Variants in RAPGEFL1 observed in about 807,000 individuals in gnomAD.
RAPGEFL1 encodes the protein Rap guanine nucleotide exchange factor like 1, also known as rap guanine nucleotide exchange factor-like 1.
In RAPGEFL1, 31 loss-of-function variants were observed where a neutral mutation model predicts 64.4. That is an observed-to-expected ratio of 0.48 (90% CI 0.36 to 0.65). The LOEUF (loss-of-function observed/expected upper bound fraction) is 0.65. Ranked by LOEUF, RAPGEFL1 falls within the 30% of genes least tolerant of loss-of-function variation. The probability of loss-of-function intolerance (pLI) is 0.00; values close to 1 mark genes in which losing one functional copy is unlikely to be tolerated. For synonymous variants in RAPGEFL1, 331 were observed against 274.1 expected (o/e 1.21, Z -2.05); for missense variants, 682 against 677.4 (o/e 1.01, Z -0.08).
rs1990231578 is a variant in RAPGEFL1 at position 40,190,713 on chromosome 17, C to T, written c.1286C>T (p.Ala429Val). The change falls in exon 8 of 15, where the codon GCC (alanine) becomes GTC (valine). Residue 429 changes from alanine to valine, a missense_variant. This residue lies in a region of RAPGEFL1 where 411 missense variants were observed against 519.4 expected (regional missense o/e 0.79). Coordinates refer to ENST00000620260, the MANE Select transcript of RAPGEFL1 (RefSeq NM_016339.6). Reference protein sequence around the residue: ...EIHRVEPEDVANHLTAFHWEL... With the variant: ...EIHRVEPEDVVNHLTAFHWEL... ...CACCGAGTGGAGCCTGAGGACGTTG[C>T]CAACCACCTAACTGCCTTCCACTGG... is the stretch of plus-strand genomic sequence containing the variant. 1 of 1,614,170 alleles carries T rather than the reference C, an allele frequency of 6.2e-7. No individual in the cohort carries two copies. The highest frequency in any genetic ancestry group is 8.5e-7 in the Non-Finnish European group (1 of 1,180,032).
intron 14 of RAPGEFL1, 115 bp downstream of exon 14, chr17:40,193,532 C>A: frequency 6.4e-7 from 1 of 1,570,932 alleles, no homozygotes; most frequent in Non-Finnish European, 8.8e-7. Context: ...GTTCCCCATT[C>A]TCTCCTTGCC....
At position 40,177,819 on chromosome 17, in the gene RAPGEFL1, C is replaced by T; in HGVS notation, c.-43C>T. ...GCCCCCCCCGCCCGCGCCTGGGATA[C>T]CTGGGTCCCCCGGCGACCCCTAGGA... On this transcript the variant is annotated 5_prime_UTR_variant, in exon 1 of 15. Transcript: ENST00000620260. 2.4e-6 allele frequency: 1 copy of T among 412,368 alleles called. No individual in the cohort carries two copies. The highest frequency in any genetic ancestry group is 4.3e-6 in the Non-Finnish European group (1 of 233,440). 25.5% of individuals were successfully genotyped at this position (412,368 alleles called of 1,614,324 possible).
At chr17:40,181,715 GA>G (rs1338525507) in intron 2 of RAPGEFL1, 21 bp downstream of exon 2, 1 of 701,658 alleles carries the variant, frequency 1.4e-6, no homozygotes, top group African/African-American at 1.7e-5. Context: ...GTGGAGTTTG[GA>G]AAAGGAGAGG....
Position 40,193,350 on chromosome 17 carries a change from T to C in RAPGEFL1, c.1810-13T>C. ...TGTGCCCCTTTCAAGGCTCATTCCT[T>C]GTCATCTCCCAGCATTCAGTGGCCG... On this transcript the variant is annotated splice_polypyrimidine_tract_variant and intron_variant, in intron 13 of 14. Coordinates refer to ENST00000620260, the MANE Select transcript of RAPGEFL1 (RefSeq NM_016339.6). The C allele has an allele frequency of 2.5e-6, 4 of 1,614,116 alleles. No homozygotes were observed. Among genetic ancestry groups the C allele is most frequent in the Non-Finnish European group, 3.4e-6 (4 of 1,179,988 alleles).
chr17:40,181,426 T>A, intron 1 of RAPGEFL1, 190 bp from the exon 2 acceptor site: 180 of 534,556 alleles, frequency 3.4e-4, no homozygotes, highest in East Asian at 5.9e-4. Context: ...GAACCCACCC[T>A]CGCAGTGGCT....
At chr17:40,180,451 A>G (rs1020245848) in intron 1 of RAPGEFL1, among the ~76,000 whole-genome samples, 1 of 152,092 alleles carries the variant, frequency 6.6e-6, no homozygotes, top group Non-Finnish European at 1.5e-5. Context: ...CAATAAAACC[A>G]ATGTTCTCAA....
chr17:40,192,512 T>G, intron 11 of RAPGEFL1, 94 bp from the exon 12 acceptor site: 2 of 1,124,388 alleles, frequency 1.8e-6, no homozygotes, highest in Middle Eastern at 2.0e-4. Context: ...TGATCAGGAA[T>G]GTATACAAGG....
At chr17:40,188,675 T>C in intron 4 of RAPGEFL1, 191 bp from the exon 5 acceptor site, 1 of 583,520 alleles carries the variant, frequency 1.7e-6, no homozygotes, top group South Asian at 2.0e-5. Flanking sequence ...AGAGGTGGCA[T>C]TTGATTAGGG....
rs1298879413 is a variant in RAPGEFL1, at chr17:40,195,471, G to C, written c.*1683G>C. 2 of 152,898 alleles carry C rather than the reference G, an allele frequency of 1.3e-5. No individual in the cohort carries two copies. Among genetic ancestry groups the C allele is most frequent in the African/African-American group, 4.8e-5 (2 of 41,426 alleles). 9.5% of individuals were successfully genotyped at this position (152,898 alleles called of 1,614,324 possible). ...CCACCACCCTCTGGGTCGGACACTG[G>C]GACCCACTGGCCCAGTCTTGGCTGC... is the stretch of plus-strand genomic sequence containing the variant. On this transcript the variant is annotated 3_prime_UTR_variant, in exon 15 of 15. Transcript: ENST00000620260.
chr17:40,193,832 G>A lies in RAPGEFL1; in HGVS notation c.*44G>A. On this transcript the variant is annotated 3_prime_UTR_variant, in exon 15 of 15. Coordinates refer to ENST00000620260, the MANE Select transcript of RAPGEFL1 (RefSeq NM_016339.6). ...GACCCGCCAGATCCTTGGGCACCTG[G>A]CACTCAAGCACTTTGCACGATGTCT... 2 of 1,611,544 alleles carry A rather than the reference G, an allele frequency of 1.2e-6. No individual in the cohort carries two copies. Among genetic ancestry groups the A allele is most frequent in the Middle Eastern group, 1.7e-4 (1 of 6,058 alleles).
intron 2 of RAPGEFL1, among the ~76,000 whole-genome samples, chr17:40,183,518 CTTTTTTTT>C (rs760848897): frequency 7.7e-6 from 1 of 130,168 alleles, no homozygotes; most frequent in Non-Finnish European, 1.7e-5. Context: ...CTTTTCTTTT[CTTTTTTTT>C]TTTTTTTTTT....
Position 40,185,566 on chromosome 17 carries a change from A to G in RAPGEFL1, c.833+888A>G, listed in dbSNP as rs1990039493. ...GGCTGTGTGCCAAGGCAGGCAGATCATGAGGTCAGGAGTTTGAGAGCAGCC... is the reference window on the plus strand; with the variant it reads ...GGCTGTGTGCCAAGGCAGGCAGATCGTGAGGTCAGGAGTTTGAGAGCAGCC... On this transcript the variant is annotated intron_variant, in intron 4 of 14. Transcript: ENST00000620260. Among the ~76,000 whole-genome samples the G allele has an allele frequency of 3.3e-5, 5 of 150,962 alleles. No individual in the cohort carries two copies. The South Asian group carries it at 1.1e-3, about 32-fold the overall frequency.
rs1205131993 is a variant in RAPGEFL1, at chr17:40,194,231, CCGTGTG to C, written c.*444_*449del. 2.2e-5 allele frequency: 3 copies of C among 139,196 alleles called. No individual in the cohort carries two copies. In the East Asian group the frequency reaches 5.7e-4, roughly 27 times the overall value. The allele number at this position is 139,196 out of a possible 1,614,324, so 8.6% of individuals were successfully genotyped here. On this transcript the variant is annotated 3_prime_UTR_variant, in exon 15 of 15. Transcript: ENST00000620260. ...TGGGACCCCCAGGAATATTATGTTG[CCGTGTG>C]TGTGTGTGTGTGTGTGTGTGTGTGT...
In RAPGEFL1 at chr17:40,191,843, G is replaced by A. The variant is rs543028495; in HGVS notation, c.1605+171G>A. Among the ~76,000 whole-genome samples the A allele has an allele frequency of 6.6e-6, 1 of 152,342 alleles. No individual in the cohort carries two copies. The highest frequency in any genetic ancestry group is 2.1e-4 in the South Asian group (1 of 4,832). On this transcript the variant is annotated intron_variant, in intron 10 of 14. Coordinates refer to ENST00000620260, the MANE Select transcript of RAPGEFL1 (RefSeq NM_016339.6). The surrounding 1 kb of genome is among the most constrained non-coding windows in gnomAD (Gnocchi z 5.1). ...GCGCACAGCTTGGCTAATGGACCCT[G>A]TCTTTGTGCAAATTAGTGAAAAGCC...
At chr17:40,192,299 TGA>T in intron 11 of RAPGEFL1, 36 bp downstream of exon 11, 1 of 1,597,680 alleles carries the variant, frequency 6.3e-7, no homozygotes, top group South Asian at 1.1e-5. Flanking sequence ...GCTCTTGGAC[TGA>T]GAGCCCAGAA....
chr17:40,193,615 G>C (rs1173565134), intron 14 of RAPGEFL1, 49 bp from the exon 15 acceptor site: 1 of 1,613,706 alleles, frequency 6.2e-7, no homozygotes, highest in South Asian at 1.1e-5. Context: ...GTGTGTAGAG[G>C]AAGAAGGGAA....
Position 40,184,665 on chromosome 17 carries a change from A to T in RAPGEFL1, c.820A>T (p.Thr274Ser). The T allele has an allele frequency of 6.3e-7, 1 of 1,577,398 alleles. No homozygotes were observed. The highest frequency in any genetic ancestry group is 8.7e-7 in the Non-Finnish European group (1 of 1,153,566). The change falls in exon 4 of 15, where the codon ACG becomes TCG. Residue 274 changes from threonine to serine, a missense_variant. Physicochemically the swap from Thr to Ser is moderately conservative, Grantham distance 58 (BLOSUM62 1). Coordinates refer to ENST00000620260, the MANE Select transcript of RAPGEFL1 (RefSeq NM_016339.6). ...DTLRLHQLVETVELKIPEENQ... is the reference protein window; with the variant it reads ...DTLRLHQLVESVELKIPEENQ... ...TCTGAGGCTGCACCAGCTGGTGGAG[A>T]CGGTGGAACTAAAGTGAGGGGGAGT...
intron 8 of RAPGEFL1, 87 bp downstream of exon 8, chr17:40,190,849 TC>T (rs1990237899): frequency 2.6e-5 from 40 of 1,557,692 alleles, no homozygotes; most frequent in Non-Finnish European, 3.5e-5. Context: ...ACGTCCTGGT[TC>T]CAAGGCTCAC....
intron 2 of RAPGEFL1, among the ~76,000 whole-genome samples, chr17:40,182,216 C>T (rs1459319513): frequency 6.6e-6 from 1 of 152,200 alleles, no homozygotes; most frequent in Admixed American, 6.5e-5. Context: ...TAAATAGCAC[C>T]TGCCCTGCCT....
Sources: gnomAD v4.1 joint callset for allele counts (sites outside exome capture counted in the v4.1 genomes callset) on GRCh38, gnomAD v4.1.1 for gene constraint, gnomAD v4.1.1 regional missense constraint, Gnocchi (gnomAD v3.1) non-coding constraint, MANE v1.5 for transcripts, NCBI Gene and HGNC (gene_info 2026-07-23, HGNC 2026-07-21) for gene names.